ADORA2B: variants seen among roughly 807,000 people sequenced by gnomAD.
The protein encoded by ADORA2B is adenosine receptor A2b.
A neutral mutation model predicts 20.8 loss-of-function variants in ADORA2B; 18 were observed. The ratio of observed to expected loss-of-function variants is 0.87; its 90% CI spans 0.60 to 1.29. ADORA2B has a LOEUF of 1.29. Among genes scored for constraint, ADORA2B ranks in the 50% most tolerant of loss-of-function variants. ADORA2B has a pLI of 0.00. For synonymous variants in ADORA2B, 179 were observed against 178.3 expected (o/e 1.00, Z -0.03); for missense variants, 441 against 422.7 (o/e 1.04, Z -0.38).
the ADORA2B span, among the ~76,000 whole-genome samples, chr17:15,922,605 C>G: frequency 1.3e-5 from 2 of 152,198 alleles, no homozygotes; most frequent in African/African-American, 4.8e-5. Context: ...GTAGGGTCAC[C>G]CCATAGATGA....
intron 1 of ADORA2B, among the ~76,000 whole-genome samples, chr17:15,951,713 C>G (rs1363422303): frequency 2.6e-5 from 4 of 152,186 alleles, no homozygotes; most frequent in Non-Finnish European, 4.4e-5. Context: ...ACCTGAAGGC[C>G]CTCTCCCTTC....
chr17:15,928,336 G>T, the ADORA2B span, among the ~76,000 whole-genome samples: 3,293 of 152,052 alleles, frequency 0.022, 130 homozygotes, highest in African/African-American at 0.075. Context: ...ATTAGGGAGG[G>T]TGTTTTCTTT....
chr17:15,900,102 C>CT, the ADORA2B span, among the ~76,000 whole-genome samples: 6 of 152,078 alleles, frequency 3.9e-5, no homozygotes, highest in Admixed American at 6.6e-5. Context: ...AGTGCTGGGA[C>CT]TACAGGCATG....
chr17:15,870,084 C>T, the ADORA2B span, among the ~76,000 whole-genome samples: 1 of 148,692 alleles, frequency 6.7e-6, no homozygotes. Context: ...TCCACACATT[C>T]ATTTACATAT....
At chr17:15,890,811 T>C in the ADORA2B span, among the ~76,000 whole-genome samples, 6,897 of 152,038 alleles carry the variant, frequency 0.045, 379 homozygotes, top group African/African-American at 0.13. Context: ...GCCCATTTTA[T>C]GGAATGGGGC....
chr17:15,956,580 T>A (rs1969968654), intron 1 of ADORA2B, among the ~76,000 whole-genome samples: 1 of 149,744 alleles, frequency 6.7e-6, no homozygotes, highest in Non-Finnish European at 1.5e-5. Flanking sequence ...TTTAGGATGA[T>A]TATGTGTGTC....
chr17:15,958,189 T>C (rs560181324), intron 1 of ADORA2B, among the ~76,000 whole-genome samples: 1 of 152,298 alleles, frequency 6.6e-6, no homozygotes, highest in East Asian at 1.9e-4. Context: ...CGGCTAATTT[T>C]GTATTTTCAG....
At chr17:15,924,857 T>G in the ADORA2B span, among the ~76,000 whole-genome samples, 1 of 152,000 alleles carries the variant, frequency 6.6e-6, no homozygotes, top group Non-Finnish European at 1.5e-5. Flanking sequence ...GTTTTTTTCT[T>G]TCTTTCTTTC....
At chr17:15,878,690 G>A in the ADORA2B span, among the ~76,000 whole-genome samples, 212 of 152,202 alleles carry the variant, frequency 1.4e-3, no homozygotes, top group African/African-American at 5.0e-3. Flanking sequence ...TCCATTAATA[G>A]CAATATCTTT....
chr17:15,966,359 G>T (rs1362370731), intron 1 of ADORA2B, among the ~76,000 whole-genome samples: 1 of 152,202 alleles, frequency 6.6e-6, no homozygotes, highest in Admixed American at 6.5e-5. Flanking sequence ...CCGATGGGAA[G>T]CTCAGGCTCC....
chr17:15,862,724 G>C, the ADORA2B span, among the ~76,000 whole-genome samples: 31 of 151,516 alleles, frequency 2.0e-4, no homozygotes, highest in Non-Finnish European at 7.4e-5. Flanking sequence ...TAAAACTTAC[G>C]AATGAGTATG....
the ADORA2B span, among the ~76,000 whole-genome samples, chr17:15,907,647 C>CA: frequency 6.6e-6 from 1 of 152,020 alleles, no homozygotes; most frequent in African/African-American, 2.4e-5. Flanking sequence ...AGCAAATTAG[C>CA]AAAAAATCAC....
At chr17:15,947,450 A>G (rs1368033895) in intron 1 of ADORA2B, among the ~76,000 whole-genome samples, 1 of 152,168 alleles carries the variant, frequency 6.6e-6, no homozygotes, top group Non-Finnish European at 1.5e-5. Context: ...TCTTGAAAAA[A>G]ATGGGTGTGG....
intron 1 of ADORA2B, among the ~76,000 whole-genome samples, chr17:15,972,806 G>A (rs1395439082): frequency 6.6e-6 from 1 of 152,096 alleles, no homozygotes; most frequent in African/African-American, 2.4e-5. Context: ...AGGCTGGAGT[G>A]CAGTGGTGCA....
intron 1 of ADORA2B, among the ~76,000 whole-genome samples, chr17:15,948,207 GCCACCGCATTGC>G: frequency 6.6e-6 from 1 of 152,046 alleles, no homozygotes. Flanking sequence ...GCCCCCACCT[GCCACCGCATTGC>G]CAAGGTGTTT....
At position 15,945,464 on chromosome 17, in the gene ADORA2B, C is replaced by T. The variant is rs1453607677; in HGVS notation, c.216C>T (p.Cys72=). The change falls in exon 1 of 2, where the codon TGC becomes TGT. Residue 72 remains cysteine, a synonymous_variant. Coordinates refer to ENST00000304222, the MANE Select transcript of ADORA2B (RefSeq NM_000676.4). ...PFAITISLGF[C]TDFYGCLFLA... is the part of the protein sequence containing the mutation. The stretch of plus-strand genomic sequence containing the variant: ...CCATCACCATCAGCCTGGGCTTCTG[C>T]ACTGACTTCTACGGCTGCCTCTTCC... 6.2e-7 allele frequency: 1 copy of T among 1,613,604 alleles called. No homozygotes were observed. The highest frequency in any genetic ancestry group is 8.5e-7 in the Non-Finnish European group (1 of 1,179,960).
intron 1 of ADORA2B, among the ~76,000 whole-genome samples, chr17:15,950,925 T>G (rs1198344035): frequency 6.6e-6 from 1 of 152,244 alleles, no homozygotes; most frequent in Admixed American, 6.5e-5. Flanking sequence ...ACCATGTCCT[T>G]ACTCAGAGTC....
At chr17:15,856,260 C>T in the ADORA2B span, among the ~76,000 whole-genome samples, 1 of 151,586 alleles carries the variant, frequency 6.6e-6, no homozygotes, top group East Asian at 1.9e-4. Context: ...TCTCTGTCCC[C>T]GCCTTCCCCC....
chr17:15,960,659 C>T (rs541893290), intron 1 of ADORA2B, among the ~76,000 whole-genome samples: 62 of 151,408 alleles, frequency 4.1e-4, no homozygotes, highest in Middle Eastern at 3.4e-3. Flanking sequence ...ATCATGAGGT[C>T]AGGAGATCGA....
Sources: allele counts gnomAD v4.1 joint callset (sites outside exome capture counted in the v4.1 genomes callset), GRCh38; gene constraint gnomAD v4.1.1; transcripts MANE v1.5; gene names NCBI Gene and HGNC (gene_info 2026-07-23, HGNC 2026-07-21).